The following RAPGEF1 variants were observed in gnomAD, a reference collection of about 807,000 sequenced individuals.
RAPGEF1 encodes CRK SH3-binding GNRP.
Under a neutral mutation model 143.3 loss-of-function variants are expected in RAPGEF1, and 33 were observed. The ratio of observed to expected loss-of-function variants is 0.23; its 90% CI spans 0.17 to 0.31. The LOEUF (loss-of-function observed/expected upper bound fraction) is 0.31. RAPGEF1 is among the 10% of genes least tolerant of loss of function. The pLI is 1.00. For missense variants in RAPGEF1, 1,199 were observed against 1,645.4 expected, an observed-to-expected ratio of 0.73 and a Z score of 4.69; for synonymous variants, 629 against 676.5, an observed-to-expected ratio of 0.93 and a Z score of 1.09.
Position 131,584,285 on chromosome 9 carries a change from C to T in RAPGEF1, c.3414+26G>A. 1.9e-6 allele frequency: 3 copies of T among 1,569,288 alleles called. No homozygotes were observed. Among genetic ancestry groups the T allele is most frequent in the African/African-American group, 1.4e-5 (1 of 74,006 alleles). ...GGCGGCCCCCCTTACCAGCCACCCT[C>T]CCGCCCACGCCCCAAGGCCACTCAC... is the stretch of plus-strand genomic sequence containing the variant. On this transcript the variant is annotated intron_variant, in intron 24 of 26. Coordinates refer to ENST00000683357, the MANE Select transcript of RAPGEF1 (RefSeq NM_001377935.1). This position sits in a 1 kb window ranked among gnomAD's most constrained non-coding sequence, Gnocchi z 6.8.
chr9:131,609,361 G>A (rs370543784), intron 12 of RAPGEF1, among the ~76,000 whole-genome samples: 15 of 152,288 alleles, frequency 9.8e-5, no homozygotes, highest in Non-Finnish European at 1.2e-4. Flanking sequence ...AAGAGGTGGC[G>A]TGGGTATGGC....
In RAPGEF1 at chr9:131,604,035, C is replaced by T; in HGVS notation, c.2338G>A (p.Glu780Lys). ...TTGACATATTCACCCTCACCAGCTT[C>T]CTCACTGGCGTTTTCACTCTGGGGG... is the stretch of plus-strand genomic sequence containing the variant. ...FTDSSENASE[E>K]AGEGEYVNLY... The change falls in exon 14 of 27, where the codon GAA becomes AAA. Residue 780 changes from glutamate to lysine, a missense_variant. This residue lies in a region of RAPGEF1 where 293 missense variants were observed against 356.2 expected (regional missense o/e 0.82). Transcript: ENST00000683357. 2 of 1,335,064 alleles carry T rather than the reference C, an allele frequency of 1.5e-6. No individual in the cohort carries two copies. Among genetic ancestry groups the T allele is most frequent in the Non-Finnish European group, 2.0e-6 (2 of 1,004,328 alleles). 82.7% of individuals were successfully genotyped at this position (1,335,064 alleles called of 1,614,324 possible).
rs1384212462 is a variant in RAPGEF1, at chr9:131,630,265, C to T, written c.711G>A (p.Lys237=). 1 of 1,613,796 alleles carries T rather than the reference C, an allele frequency of 6.2e-7. No homozygotes were observed. The highest frequency in any genetic ancestry group is 2.2e-5 in the East Asian group (1 of 44,846). The change falls in exon 6 of 27, where the codon AAG becomes AAA. Residue 237 remains lysine (K), a synonymous_variant. Transcript: ENST00000683357. ...QGRPSPTSPV[K]PSSPASKPDG... Reference sequence around the variant, plus strand: ...CAGGCTTGCTGGCAGGGGAACTGGGCTTCACGGGGCTCGTCGGAGACGGAC... The same window carrying T: ...CAGGCTTGCTGGCAGGGGAACTGGGTTTCACGGGGCTCGTCGGAGACGGAC...
intron 22 of RAPGEF1, among the ~76,000 whole-genome samples, chr9:131,587,314 A>C (rs1291957581): frequency 8.6e-5 from 13 of 151,916 alleles, no homozygotes; most frequent in Non-Finnish European, 1.5e-4. Context: ...AAACACACAC[A>C]CACACACACA....
intron 1 of RAPGEF1, among the ~76,000 whole-genome samples, chr9:131,652,872 C>A (rs978513514): frequency 6.6e-6 from 1 of 152,162 alleles, no homozygotes; most frequent in Admixed American, 6.5e-5. Context: ...CTGTACATAA[C>A]CATATGTGCT....
chr9:131,640,598 G>A (rs921739516), intron 4 of RAPGEF1, among the ~76,000 whole-genome samples: 2 of 142,102 alleles, frequency 1.4e-5, no homozygotes, highest in African/African-American at 2.4e-5. Flanking sequence ...TGTGACGAGT[G>A]TGACTCTCGC....
chr9:131,687,252 A>AC (rs1456282540), intron 1 of RAPGEF1, among the ~76,000 whole-genome samples: 1 of 152,200 alleles, frequency 6.6e-6, no homozygotes, highest in Non-Finnish European at 1.5e-5. Context: ...ATGCAGCGGC[A>AC]CGATCTCAGC....
chr9:131,728,121 GGGGT>G (rs1191414915), intron 1 of RAPGEF1, among the ~76,000 whole-genome samples: 1 of 152,190 alleles, frequency 6.6e-6, no homozygotes, highest in African/African-American at 2.4e-5. Flanking sequence ...CAGTGGAGCA[GGGGT>G]TAAGGAAGAC....
chr9:131,677,191 C>T (rs527842209), intron 1 of RAPGEF1, among the ~76,000 whole-genome samples: 1 of 152,352 alleles, frequency 6.6e-6, no homozygotes, highest in South Asian at 2.1e-4. Flanking sequence ...AATAAACGTG[C>T]ACGCAGCTTG....
At chr9:131,661,339 T>G (rs988319620) in intron 1 of RAPGEF1, among the ~76,000 whole-genome samples, 2 of 152,214 alleles carry the variant, frequency 1.3e-5, no homozygotes, top group African/African-American at 4.8e-5. Context: ...AAAGAGTACA[T>G]TTTATACGAT....
At chr9:131,668,758 T>C (rs1830850805) in intron 1 of RAPGEF1, among the ~76,000 whole-genome samples, 1 of 152,220 alleles carries the variant, frequency 6.6e-6, no homozygotes, top group African/African-American at 2.4e-5. Flanking sequence ...CTCAGCTTTA[T>C]TTTCAGAGGC....
intron 1 of RAPGEF1, among the ~76,000 whole-genome samples, chr9:131,680,404 T>C (rs376986242): frequency 1.3e-5 from 2 of 152,198 alleles, no homozygotes; most frequent in African/African-American, 4.8e-5. Context: ...AATCTGGCCA[T>C]AAATTGGCCC....
intron 5 of RAPGEF1, among the ~76,000 whole-genome samples, chr9:131,631,794 G>A (rs1198706871): frequency 2.0e-5 from 3 of 152,142 alleles, no homozygotes; most frequent in Admixed American, 2.0e-4. Context: ...AGGTGAACAC[G>A]CCGAAAAAAA....
chr9:131,666,893 C>T (rs539333730), intron 1 of RAPGEF1, among the ~76,000 whole-genome samples: 74 of 152,274 alleles, frequency 4.9e-4, no homozygotes, highest in African/African-American at 1.4e-3. Context: ...TGTGATGGGA[C>T]GGCTGGGACA....
intron 22 of RAPGEF1, among the ~76,000 whole-genome samples, chr9:131,586,284 A>G (rs1285751935): frequency 8.0e-6 from 1 of 125,778 alleles, no homozygotes; most frequent in African/African-American, 2.9e-5. Flanking sequence ...ACACACACAC[A>G]CCTGCAGAGC....
At chr9:131,625,875 T>C (rs1244778202) in intron 10 of RAPGEF1, 47 bp downstream of exon 10, 5 of 1,508,562 alleles carry the variant, frequency 3.3e-6, no homozygotes, top group Non-Finnish European at 4.4e-6. Context: ...TACTGCCATT[T>C]CAGGTTATAA....
At chr9:131,730,221 C>G (rs1453277283) in intron 1 of RAPGEF1, among the ~76,000 whole-genome samples, 1 of 124,008 alleles carries the variant, frequency 8.1e-6, no homozygotes, top group African/African-American at 3.0e-5. Context: ...AAAAAAGAAA[C>G]AAATTAACAA....
At chr9:131,609,787 G>T (rs1016720793) in intron 12 of RAPGEF1, among the ~76,000 whole-genome samples, 15 of 152,308 alleles carry the variant, frequency 9.8e-5, no homozygotes, top group African/African-American at 3.6e-4. Flanking sequence ...AAAATACTTA[G>T]AAAAGGCACT....
At chr9:131,727,138 C>T (rs150091067) in intron 1 of RAPGEF1, among the ~76,000 whole-genome samples, 184 of 152,262 alleles carry the variant, frequency 1.2e-3, no homozygotes, top group African/African-American at 4.2e-3. Context: ...AGCTTACAAG[C>T]CCCATTTCAC....
Sources: allele counts gnomAD v4.1 joint callset (sites outside exome capture counted in the v4.1 genomes callset), GRCh38; gene constraint gnomAD v4.1.1; regional missense constraint gnomAD v4.1.1; non-coding constraint Gnocchi (gnomAD v3.1); transcripts MANE v1.5; gene names NCBI Gene and HGNC (gene_info 2026-07-23, HGNC 2026-07-21).